XPNPEP1: variants seen among roughly 807,000 people sequenced by gnomAD.
XPNPEP1 encodes xaa-Pro aminopeptidase 1.
In XPNPEP1, 39 loss-of-function variants were observed where a neutral mutation model predicts 92.4. The ratio of observed to expected loss-of-function variants is 0.42; its 90% CI spans 0.33 to 0.55. XPNPEP1 has a LOEUF of 0.55. Among genes scored for constraint, XPNPEP1 ranks in the 20% least tolerant of loss-of-function variants. The pLI is 0.08. For synonymous variants in XPNPEP1, 307 were observed against 299.4 expected (o/e 1.03, Z -0.26); for missense variants, 654 against 856.1 (o/e 0.76, Z 2.95).
chr10:109,883,132 G>A (rs1189726730), intron 9 of XPNPEP1, among the ~76,000 whole-genome samples: 1 of 152,132 alleles, frequency 6.6e-6, no homozygotes, highest in East Asian at 1.9e-4. Flanking sequence ...TTCAGAAAAA[G>A]AACCCAAGCT....
chr10:109,887,006 C>A (rs1271759372), intron 7 of XPNPEP1, among the ~76,000 whole-genome samples: 3 of 152,202 alleles, frequency 2.0e-5, no homozygotes, highest in Admixed American at 6.5e-5. Context: ...GAGGAGCTCA[C>A]CCCATTGCCA....
chr10:109,914,788 A>C (rs1407616990), intron 2 of XPNPEP1, among the ~76,000 whole-genome samples: 2 of 127,632 alleles, frequency 1.6e-5, no homozygotes, highest in Admixed American at 9.0e-5. Context: ...CAAGGGCGAG[A>C]CTCCGTCTCA....
rs964624955 is a variant in XPNPEP1, at chr10:109,888,736, AAATCT to A, written c.416-146_416-142del. 7.0e-6 allele frequency: 4 copies of A among 569,660 alleles called. No homozygotes were observed. The African/African-American group carries it at 7.7e-5, about 11-fold the overall frequency. The allele number at this position is 569,660 out of a possible 1,614,324, so 35.3% of individuals were successfully genotyped here. A position where few individuals can be genotyped will look rare whatever the true frequency, so the allele number is the denominator to read the frequency against. On this transcript the variant is annotated intron_variant, in intron 5 of 20. Coordinates refer to ENST00000502935, the MANE Select transcript of XPNPEP1 (RefSeq NM_020383.4). ...TTAAAGTGGATTGACAGGACTTAGAAAATCTGAACCTCCCTTAATCCTGGAAGGCT... is the reference window on the plus strand; with the variant it reads ...TTAAAGTGGATTGACAGGACTTAGAAGAACCTCCCTTAATCCTGGAAGGCT...
At chr10:109,874,473 A>G (rs925812680) in intron 15 of XPNPEP1, among the ~76,000 whole-genome samples, 3 of 152,242 alleles carry the variant, frequency 2.0e-5, no homozygotes, top group African/African-American at 7.2e-5. Flanking sequence ...ATCCTGCTAA[A>G]AATTTAGAAG....
intron 1 of XPNPEP1, among the ~76,000 whole-genome samples, chr10:109,922,425 G>T (rs1316298894): frequency 1.3e-5 from 2 of 152,176 alleles, no homozygotes; most frequent in Non-Finnish European, 2.9e-5. Context: ...CTTCCAGATG[G>T]AAGTTCTCCA....
At position 109,870,040 on chromosome 10, in the gene XPNPEP1, C is replaced by T. The variant is rs772189718; in HGVS notation, c.1697-11G>A. The T allele has an allele frequency of 1.2e-6, 2 of 1,613,612 alleles. No homozygotes were observed. The highest frequency in any genetic ancestry group is 3.3e-5 in the Admixed American group (2 of 59,940). Reference sequence around the variant, plus strand: ...CATAGTACCCGGGCTCTAAAACAAACCAAATCCCAAAAATGAGAAGCAGCC... The same window carrying T: ...CATAGTACCCGGGCTCTAAAACAAATCAAATCCCAAAAATGAGAAGCAGCC... On this transcript the variant is annotated splice_polypyrimidine_tract_variant and intron_variant, in intron 18 of 20. Coordinates refer to ENST00000502935, the MANE Select transcript of XPNPEP1 (RefSeq NM_020383.4).
At position 109,907,824 on chromosome 10, in the gene XPNPEP1, A is replaced by G; in HGVS notation, c.122-9T>C. The G allele has an allele frequency of 6.2e-7, 1 of 1,613,880 alleles. No homozygotes were observed. On this transcript the variant is annotated splice_polypyrimidine_tract_variant and intron_variant, in intron 2 of 20. Transcript: ENST00000502935. ...TGGAGGCATTCTGCCGTCTGCAACAACAGGAGAGCAAATTTCAAAACCAGC... is the reference window on the plus strand; with the variant it reads ...TGGAGGCATTCTGCCGTCTGCAACAGCAGGAGAGCAAATTTCAAAACCAGC...
chr10:109,911,017 C>T (rs1182975862), intron 2 of XPNPEP1, among the ~76,000 whole-genome samples: 2 of 152,230 alleles, frequency 1.3e-5, no homozygotes, highest in African/African-American at 4.8e-5. Context: ...ATCACCAGCA[C>T]CTTAGGCTTC....
chr10:109,871,665 T>C (rs1008806416), intron 17 of XPNPEP1, 127 bp downstream of exon 17: 90 of 1,071,306 alleles, frequency 8.4e-5, no homozygotes, highest in Non-Finnish European at 2.0e-5. Context: ...CATGAGCACC[T>C]GGCTGGGCCT....
intron 3 of XPNPEP1, among the ~76,000 whole-genome samples, chr10:109,895,966 G>T (rs1564775405): frequency 6.6e-6 from 1 of 152,196 alleles, no homozygotes; most frequent in Admixed American, 6.5e-5. Flanking sequence ...GCCCAGTCAA[G>T]GTACCAGCTG....
At chr10:109,920,836 G>A (rs186222731) in intron 1 of XPNPEP1, among the ~76,000 whole-genome samples, 5 of 152,122 alleles carry the variant, frequency 3.3e-5, no homozygotes, top group Admixed American at 2.0e-4. Flanking sequence ...GTGAGCCACC[G>A]TGCCTAGCCA....
chr10:109,907,909 G>A (rs1019296657), intron 2 of XPNPEP1, 94 bp from the exon 3 acceptor site: 15 of 1,536,332 alleles, frequency 9.8e-6, no homozygotes, highest in Admixed American at 1.8e-5. Context: ...TGCCTTCTAC[G>A]TTCTGCCCCA....
chr10:109,874,092 T>G (rs1847639977), intron 15 of XPNPEP1, among the ~76,000 whole-genome samples: 1 of 152,196 alleles, frequency 6.6e-6, no homozygotes, highest in Non-Finnish European at 1.5e-5. Flanking sequence ...TAAAAAAAAT[T>G]AATTGTATAT....
At chr10:109,891,623 G>T in intron 5 of XPNPEP1, 99 bp downstream of exon 5, 1 of 966,750 alleles carries the variant, frequency 1.0e-6, no homozygotes, top group Non-Finnish European at 1.5e-6. Context: ...AAGGGTCCAT[G>T]ACTGCATAAA....
intron 1 of XPNPEP1, among the ~76,000 whole-genome samples, chr10:109,917,752 G>C (rs1041937672): frequency 6.6e-6 from 1 of 152,160 alleles, no homozygotes; most frequent in Non-Finnish European, 1.5e-5. Context: ...TGTGGTGCTA[G>C]CATAAGAATG....
intron 3 of XPNPEP1, among the ~76,000 whole-genome samples, chr10:109,903,800 G>A (rs12767800): frequency 0.019 from 2,922 of 151,684 alleles, 43 homozygotes; most frequent in Non-Finnish European, 0.029. Flanking sequence ...TCCTCACCCA[G>A]TCCTTGGTCA....
intron 3 of XPNPEP1, among the ~76,000 whole-genome samples, chr10:109,900,947 G>A (rs567069591): frequency 2.0e-5 from 3 of 152,002 alleles, no homozygotes; most frequent in Non-Finnish European, 1.5e-5. Flanking sequence ...ATACCCAAAG[G>A]ATTATAAATC....
chr10:109,871,665 TG>T, intron 17 of XPNPEP1, 126 bp downstream of exon 17: 2 of 1,071,424 alleles, frequency 1.9e-6, no homozygotes, highest in Non-Finnish European at 2.7e-6. Context: ...CATGAGCACC[TG>T]GCTGGGCCTG....
Position 109,870,891 on chromosome 10 carries a change from G to A in XPNPEP1, c.1536C>T (p.Asp512=), listed in dbSNP as rs745966726. 4 of 1,613,572 alleles carry A rather than the reference G, an allele frequency of 2.5e-6. No homozygotes were observed. Among genetic ancestry groups the A allele is most frequent in the Non-Finnish European group, 2.5e-6 (3 of 1,179,784 alleles). Reference sequence around the variant, plus strand: ...CCCATAAAGCTGAACGGGCAAAGGAGTCAAGAAGGTGACCTGAAAGACATA... The same window carrying A: ...CCCATAAAGCTGAACGGGCAAAGGAATCAAGAAGGTGACCTGAAAGACATA... ...FPTGTKGHLL[D]SFARSALWDS... Residue 512 remains aspartate, a synonymous_variant, in exon 18 of 21, where the codon GAC becomes GAT. Transcript: ENST00000502935.
Sources: allele counts gnomAD v4.1 joint callset (sites outside exome capture counted in the v4.1 genomes callset), GRCh38; gene constraint gnomAD v4.1.1; transcripts MANE v1.5; gene names NCBI Gene and HGNC (gene_info 2026-07-23, HGNC 2026-07-21).